Variants in ST6GAL1 observed in about 807,000 individuals in gnomAD.
ST6GAL1 encodes beta-galactoside alpha-2,6-sialyltransferase 1.
A neutral mutation model predicts 38.0 loss-of-function variants in ST6GAL1; 20 were observed. The observed-to-expected ratio is 0.53, with a 90% CI of 0.37 to 0.77. The LOEUF (loss-of-function observed/expected upper bound fraction) is 0.77, where lower values mean the gene tolerates loss of function less well. Ranked by LOEUF, ST6GAL1 falls within the 30% of genes least tolerant of loss-of-function variation. ST6GAL1 has a pLI of 0.00. For missense variants in ST6GAL1, 432 were observed against 496.4 expected (o/e 0.87, Z 1.23); for synonymous variants, 196 against 188.2 (o/e 1.04, Z -0.34).
chr3:187,037,930 T>C (rs555649825), intron 2 of ST6GAL1, among the ~76,000 whole-genome samples: 1 of 152,168 alleles, frequency 6.6e-6, no homozygotes, highest in Non-Finnish European at 1.5e-5. Flanking sequence ...TTTTTAAATG[T>C]ATTTTTTTTC....
chr3:187,023,931 G>T (rs1367218665), intron 2 of ST6GAL1, among the ~76,000 whole-genome samples: 3 of 150,692 alleles, frequency 2.0e-5, no homozygotes, highest in Non-Finnish European at 4.4e-5. Flanking sequence ...ATGAGTATTG[G>T]TGTAAGTTTT....
intron 2 of ST6GAL1, among the ~76,000 whole-genome samples, chr3:186,970,997 G>A (rs992065473): frequency 1.3e-5 from 2 of 152,140 alleles, no homozygotes; most frequent in Non-Finnish European, 2.9e-5. Context: ...TTCCTAGAGG[G>A]GCTGTATCAC....
chr3:187,050,575 A>G (rs912551994), intron 4 of ST6GAL1, among the ~76,000 whole-genome samples: 1 of 144,724 alleles, frequency 6.9e-6, no homozygotes, highest in African/African-American at 2.5e-5. Flanking sequence ...GGAGGGAAGG[A>G]AGGAGGGAGG....
intron 2 of ST6GAL1, among the ~76,000 whole-genome samples, chr3:187,015,887 C>T (rs568192871): frequency 1.3e-5 from 2 of 152,268 alleles, no homozygotes; most frequent in South Asian, 2.1e-4. Context: ...TGGATTCAGA[C>T]AGTTCTGGGT....
intron 2 of ST6GAL1, among the ~76,000 whole-genome samples, chr3:186,967,748 T>C (rs1407315393): frequency 6.6e-6 from 1 of 152,230 alleles, no homozygotes; most frequent in Non-Finnish European, 1.5e-5. Flanking sequence ...AGCCATCACG[T>C]CTTTCACTTA....
At chr3:186,947,552 T>C (rs7642349) in intron 1 of ST6GAL1, among the ~76,000 whole-genome samples, 4,073 of 152,248 alleles carry the variant, frequency 0.027, 173 homozygotes, top group African/African-American at 0.091. Flanking sequence ...TACGTTTATG[T>C]TTAGATTGGT....
chr3:187,068,669 G>A (rs1177061234), intron 5 of ST6GAL1, among the ~76,000 whole-genome samples: 3 of 152,208 alleles, frequency 2.0e-5, no homozygotes, highest in African/African-American at 7.2e-5. Flanking sequence ...CAGGGAGCCA[G>A]GAGTTGCTGG....
intron 2 of ST6GAL1, among the ~76,000 whole-genome samples, chr3:186,994,265 C>T (rs542976465): frequency 3.3e-5 from 5 of 152,282 alleles, no homozygotes; most frequent in East Asian, 3.9e-4. Flanking sequence ...GACATGAATT[C>T]GAGTTCTCTC....
intron 2 of ST6GAL1, among the ~76,000 whole-genome samples, chr3:186,996,058 T>C (rs1352569965): frequency 6.6e-6 from 1 of 152,160 alleles, no homozygotes; most frequent in Non-Finnish European, 1.5e-5. Context: ...TTCCTGATCA[T>C]TTGTCTTTTT....
chr3:186,966,802 G>T (rs1715143888), intron 2 of ST6GAL1, among the ~76,000 whole-genome samples: 1 of 152,198 alleles, frequency 6.6e-6, no homozygotes, highest in Non-Finnish European at 1.5e-5. Flanking sequence ...AGAAGCAACA[G>T]GCGTGTCAGT....
intron 1 of ST6GAL1, among the ~76,000 whole-genome samples, chr3:186,945,265 C>T (rs1714315337): frequency 6.6e-6 from 1 of 151,274 alleles, no homozygotes; most frequent in Admixed American, 6.6e-5. Flanking sequence ...ATGATTGTGC[C>T]ACTGTGCTCT....
intron 1 of ST6GAL1, chr3:186,931,204 A>T (rs976505452): frequency 4.9e-4 from 1 of 2,040 alleles, no homozygotes; most frequent in South Asian, 9.3e-3. Context: ...CGGATCGACA[A>T]ATTGAGGCCC....
At chr3:186,978,750 A>C (rs934316317) in intron 2 of ST6GAL1, among the ~76,000 whole-genome samples, 3 of 151,806 alleles carry the variant, frequency 2.0e-5, no homozygotes, top group Non-Finnish European at 2.9e-5. Context: ...GACTAGAAAT[A>C]CCTCTGTCTG....
At chr3:186,961,196 G>T (rs564413656) in intron 1 of ST6GAL1, among the ~76,000 whole-genome samples, 169 of 152,220 alleles carry the variant, frequency 1.1e-3, no homozygotes, top group African/African-American at 3.9e-3. Flanking sequence ...AGCTGGTCTT[G>T]AACTCCTGAC....
intron 2 of ST6GAL1, among the ~76,000 whole-genome samples, chr3:187,029,156 T>C (rs952611494): frequency 4.0e-5 from 6 of 150,600 alleles, no homozygotes; most frequent in African/African-American, 7.3e-5. Flanking sequence ...ACTATCTAGA[T>C]GTCTCACTGT....
intron 1 of ST6GAL1, among the ~76,000 whole-genome samples, chr3:186,956,385 T>C (rs1714751584): frequency 6.6e-6 from 1 of 152,242 alleles, no homozygotes; most frequent in Non-Finnish European, 1.5e-5. Flanking sequence ...TTTTTCTTCC[T>C]GGTAAATTAG....
chr3:187,065,368 G>T (rs1560182890), intron 5 of ST6GAL1, among the ~76,000 whole-genome samples: 1 of 151,998 alleles, frequency 6.6e-6, no homozygotes, highest in Admixed American at 6.6e-5. Flanking sequence ...CCATGATGAA[G>T]GCATGCAAAA....
rs141216793 is a variant in ST6GAL1, at chr3:186,943,385, T to A, written c.-325+12551T>A. On this transcript the variant is annotated intron_variant, in intron 1 of 7. Transcript: ENST00000169298. ...TGGCGGGACTTGAGGCTGGAACCATTACATGTGTTATTTAATAGAATTTTC... is the reference window on the plus strand; with the variant it reads ...TGGCGGGACTTGAGGCTGGAACCATAACATGTGTTATTTAATAGAATTTTC... 2.2e-4 allele frequency among the ~76,000 whole-genome samples: 34 copies of A among 152,342 alleles called. No individual in the cohort carries two copies. The East Asian group carries it at 6.2e-3, about 28-fold the overall frequency.
intron 4 of ST6GAL1, among the ~76,000 whole-genome samples, chr3:187,047,196 C>T (rs562642989): frequency 8.6e-5 from 13 of 151,990 alleles, no homozygotes; most frequent in African/African-American, 2.2e-4. Flanking sequence ...CCGCCCACCT[C>T]GGCCTCCCAA....
Sources: allele counts gnomAD v4.1 joint callset (sites outside exome capture counted in the v4.1 genomes callset), GRCh38; gene constraint gnomAD v4.1.1; transcripts MANE v1.5; gene names NCBI Gene and HGNC (gene_info 2026-07-23, HGNC 2026-07-21).